Variants in FOXP1 observed in about 807,000 individuals in gnomAD.
FOXP1 encodes the protein forkhead box P1, also known as forkhead box protein P1.
Under a neutral mutation model 98.2 loss-of-function variants are expected in FOXP1, and 15 were observed. That is an observed-to-expected ratio of 0.15 (90% CI 0.10 to 0.24). FOXP1 has a LOEUF of 0.24. FOXP1 is among the 10% of genes least tolerant of loss of function. FOXP1 has a pLI of 1.00. For synonymous variants in FOXP1, 371 were observed against 314.5 expected (o/e 1.18, Z -1.90); for missense variants, 633 against 848.5 (o/e 0.75, Z 3.15).
intron 5 of FOXP1, among the ~76,000 whole-genome samples, chr3:71,272,500 G>A (rs1238052703): frequency 5.9e-5 from 9 of 152,182 alleles, no homozygotes; most frequent in African/African-American, 2.2e-4. Context: ...CTCAGTAATA[G>A]AGAAGACCTA....
rs117613204 is a variant in FOXP1 at position 71,268,301 on chromosome 3, G to A, written c.-12+31519C>T. Among the ~76,000 whole-genome samples, 73 of 151,648 alleles carry A rather than the reference G, an allele frequency of 4.8e-4. 1 individual carries two copies. In the East Asian group the frequency reaches 0.013, roughly 27 times the overall value. On this transcript the variant is annotated intron_variant, in intron 5 of 20. Transcript: ENST00000649528. ...TTGCCATCAGCTAGATGAAGGAGGC[G>A]GAAAATAATTCTAAAAATCAGATAC...
At chr3:71,202,342 C>A (rs1397630110) in intron 5 of FOXP1, among the ~76,000 whole-genome samples, 1 of 152,184 alleles carries the variant, frequency 6.6e-6, no homozygotes, top group Non-Finnish European at 1.5e-5. Flanking sequence ...TAATCTCCCA[C>A]ACCAATCAGG....
chr3:71,360,883 A>G (rs2078514192), intron 3 of FOXP1: 1 of 152,206 alleles, frequency 6.6e-6, no homozygotes, highest in Admixed American at 6.5e-5. Context: ...TCCGGAAACT[A>G]TGTGGGCTGT....
intron 12 of FOXP1, among the ~76,000 whole-genome samples, chr3:71,006,383 A>G (rs2042815177): frequency 6.6e-6 from 1 of 152,158 alleles, no homozygotes; most frequent in Non-Finnish European, 1.5e-5. Flanking sequence ...TCCAACACAC[A>G]ATTTCATTAA....
At chr3:71,224,363 T>A (rs1440431162) in intron 5 of FOXP1, among the ~76,000 whole-genome samples, 5 of 151,952 alleles carry the variant, frequency 3.3e-5, no homozygotes, top group African/African-American at 4.8e-5. Context: ...GAGTTGGGGG[T>A]TGCGAGAGCC....
At chr3:71,090,110 A>G (rs1449427813) in intron 7 of FOXP1, among the ~76,000 whole-genome samples, 1 of 152,262 alleles carries the variant, frequency 6.6e-6, no homozygotes, top group African/African-American at 2.4e-5. Flanking sequence ...GTGCATAAAC[A>G]AAACAGTATC....
intron 3 of FOXP1, among the ~76,000 whole-genome samples, chr3:71,459,718 A>C (rs1324557958): frequency 6.6e-6 from 1 of 152,210 alleles, no homozygotes; most frequent in East Asian, 1.9e-4. Flanking sequence ...TTTGCTTCCC[A>C]ATGTGTTTAA....
chr3:71,085,119 A>G (rs2054890899), intron 7 of FOXP1, among the ~76,000 whole-genome samples: 1 of 152,164 alleles, frequency 6.6e-6, no homozygotes, highest in Non-Finnish European at 1.5e-5. Flanking sequence ...ACAGCTTGCA[A>G]CTACTTTTTT....
chr3:71,346,021 A>T (rs1334407099), intron 4 of FOXP1, among the ~76,000 whole-genome samples: 2 of 152,178 alleles, frequency 1.3e-5, no homozygotes, highest in African/African-American at 2.4e-5. Flanking sequence ...AAACTCTCAG[A>T]CTGAGAAGGC....
At chr3:71,130,693 T>G in intron 6 of FOXP1, 2 of 1,567,858 alleles carry the variant, frequency 1.3e-6, no homozygotes, top group Non-Finnish European at 1.7e-6. Flanking sequence ...TTGCCCTTTG[T>G]AGGCAACCTC....
intron 4 of FOXP1, among the ~76,000 whole-genome samples, chr3:71,309,825 G>T (rs1157740614): frequency 6.6e-6 from 1 of 151,410 alleles, no homozygotes; most frequent in Non-Finnish European, 1.5e-5. Context: ...TTCTCACATG[G>T]ACATATCTGT....
At chr3:71,180,239 C>T (rs1484563341) in intron 6 of FOXP1, among the ~76,000 whole-genome samples, 20 of 151,938 alleles carry the variant, frequency 1.3e-4, no homozygotes, top group Admixed American at 1.3e-3. Context: ...GAAATCAACA[C>T]GGGCCACAAG....
intron 14 of FOXP1, among the ~76,000 whole-genome samples, chr3:70,985,467 AC>A (rs1303788290): frequency 6.6e-6 from 1 of 152,020 alleles, no homozygotes; most frequent in Non-Finnish European, 1.5e-5. Flanking sequence ...CCAATGCCTC[AC>A]CTATACATAT....
chr3:71,200,435 A>G (rs2063600522), intron 5 of FOXP1, among the ~76,000 whole-genome samples: 1 of 152,232 alleles, frequency 6.6e-6, no homozygotes, highest in South Asian at 2.1e-4. Context: ...TAATGGTGGA[A>G]TCAGGATTTG....
intron 3 of FOXP1, among the ~76,000 whole-genome samples, chr3:71,421,274 TG>T (rs1332013398): frequency 6.9e-6 from 1 of 144,738 alleles, no homozygotes; most frequent in Non-Finnish European, 1.6e-5. Flanking sequence ...TCCTTGATTC[TG>T]ACATCAGGAT....
intron 5 of FOXP1, among the ~76,000 whole-genome samples, chr3:71,270,834 A>G (rs927647871): frequency 1.3e-5 from 2 of 152,230 alleles, no homozygotes; most frequent in African/African-American, 4.8e-5. Context: ...GTCTTATTCT[A>G]AAGTGACAAG....
chr3:71,485,464 A>G (rs2090576693), intron 3 of FOXP1, among the ~76,000 whole-genome samples: 1 of 152,188 alleles, frequency 6.6e-6, no homozygotes, highest in Non-Finnish European at 1.5e-5. Context: ...CAGGGAGAAA[A>G]AAGTTCCCTG....
chr3:71,427,273 T>A (rs2084247953), intron 3 of FOXP1, among the ~76,000 whole-genome samples: 1 of 151,948 alleles, frequency 6.6e-6, no homozygotes, highest in Non-Finnish European at 1.5e-5. Context: ...GCAGAATACA[T>A]GAATGAATAA....
At chr3:71,281,560 T>C (rs1202530132) in intron 5 of FOXP1, among the ~76,000 whole-genome samples, 3 of 152,354 alleles carry the variant, frequency 2.0e-5, no homozygotes, top group Middle Eastern at 6.8e-3. Flanking sequence ...TCTGCCCACA[T>C]TGCTCAACGC....
Sources: gnomAD v4.1 joint callset for allele counts (sites outside exome capture counted in the v4.1 genomes callset) on GRCh38, gnomAD v4.1.1 for gene constraint, MANE v1.5 for transcripts, NCBI Gene and HGNC (gene_info 2026-07-23, HGNC 2026-07-21) for gene names.